CDH13: variants seen among roughly 807,000 people sequenced by gnomAD.
CDH13 encodes the protein cadherin-13.
CDH13 carries 24 observed loss-of-function variants against 63.8 expected under a neutral mutation model. The observed-to-expected ratio is 0.38, with a 90% confidence interval of 0.27 to 0.53. The LOEUF (loss-of-function observed/expected upper bound fraction) is 0.53, where lower values mean the gene tolerates loss of function less well. Ranked by LOEUF, CDH13 falls within the 20% of genes least tolerant of loss-of-function variation. The pLI is 0.85. For missense variants in CDH13, 1,049 were observed against 903.1 expected, an observed-to-expected ratio of 1.16 and a Z score of -2.07; for synonymous variants, 503 against 355.3, an observed-to-expected ratio of 1.42 and a Z score of -4.67.
intron 1 of CDH13, among the ~76,000 whole-genome samples, chr16:82,739,497 C>T (rs538913916): frequency 3.3e-5 from 5 of 152,268 alleles, no homozygotes; most frequent in African/African-American, 1.2e-4. Flanking sequence ...GACCAAGTAA[C>T]AGTTTACAAA....
intron 2 of CDH13, among the ~76,000 whole-genome samples, chr16:82,871,089 T>C (rs1391583199): frequency 6.6e-6 from 1 of 152,242 alleles, no homozygotes; most frequent in Non-Finnish European, 1.5e-5. Context: ...GTCTTGTTTC[T>C]GTCATATCAG....
At chr16:82,674,454 A>C (rs1188283267) in intron 1 of CDH13, among the ~76,000 whole-genome samples, 1 of 152,226 alleles carries the variant, frequency 6.6e-6, no homozygotes, top group Non-Finnish European at 1.5e-5. Flanking sequence ...CAGACAGGGA[A>C]AATTTCTTTT....
intron 6 of CDH13, among the ~76,000 whole-genome samples, chr16:83,444,101 A>T (rs973209774): frequency 6.6e-6 from 1 of 151,302 alleles, no homozygotes; most frequent in Admixed American, 6.6e-5. Context: ...AGTGAGGTTG[A>T]TGATGGTGAA....
At chr16:82,916,090 C>T (rs2041978588) in intron 2 of CDH13, among the ~76,000 whole-genome samples, 1 of 152,118 alleles carries the variant, frequency 6.6e-6, no homozygotes, top group Non-Finnish European at 1.5e-5. Flanking sequence ...CTCCAGACTA[C>T]ATTCCTTTTT....
At chr16:83,559,819 G>A (rs953047618) in intron 7 of CDH13, among the ~76,000 whole-genome samples, 4 of 152,096 alleles carry the variant, frequency 2.6e-5, no homozygotes, top group Non-Finnish European at 4.4e-5. Context: ...GCACCACAGC[G>A]TCTTTTTGAA....
chr16:83,544,497 A>T (rs1382482854), intron 7 of CDH13, among the ~76,000 whole-genome samples: 1 of 152,164 alleles, frequency 6.6e-6, no homozygotes, highest in Non-Finnish European at 1.5e-5. Context: ...ACACACTGAG[A>T]ACACTTCCAG....
In CDH13 at chr16:83,793,102, T is replaced by C. The variant is rs574776405; in HGVS notation, c.2135-1921T>C. ...TGTATACTGATTAATTTCTTTCTTT[T>C]TTCCTTCTTTTGATGGAGCAAGACT... On this transcript the variant is annotated intron_variant, in intron 13 of 13. Transcript: ENST00000567109. 2.2e-4 allele frequency among the ~76,000 whole-genome samples: 33 copies of C among 152,272 alleles called. No homozygotes were observed. The South Asian group carries it at 6.4e-3, about 30-fold the overall frequency.
intron 5 of CDH13, among the ~76,000 whole-genome samples, chr16:83,282,724 G>A (rs1029798353): frequency 6.6e-6 from 1 of 152,208 alleles, no homozygotes; most frequent in African/African-American, 2.4e-5. Flanking sequence ...TGCCTTGAGA[G>A]AATAAGTTTT....
chr16:82,727,718 C>T (rs2033176952), intron 1 of CDH13: 1 of 152,138 alleles, frequency 6.6e-6, no homozygotes, highest in African/African-American at 2.4e-5. Context: ...ATCACATTAC[C>T]AGTAGCTGGC....
intron 1 of CDH13, among the ~76,000 whole-genome samples, chr16:82,857,713 A>C (rs556611172): frequency 6.6e-6 from 1 of 152,356 alleles, no homozygotes; most frequent in Non-Finnish European, 1.5e-5. Flanking sequence ...ACATATATTT[A>C]ATTTCATATG....
rs1456535442 is a variant in CDH13 at position 83,798,510 on chromosome 16, T to C, written c.*3480T>C. On this transcript the variant is annotated 3_prime_UTR_variant, in exon 14 of 14. Transcript: ENST00000567109. Reference sequence around the variant, plus strand: ...ACATATGAGACAAGCACTACTATCTTCTCCAACTCACAGATAAAGAAGGCT... The same window carrying C: ...ACATATGAGACAAGCACTACTATCTCCTCCAACTCACAGATAAAGAAGGCT... 6.6e-6 allele frequency: 1 copy of C among 152,198 alleles called. No homozygotes were observed. The highest frequency in any genetic ancestry group is 1.5e-5 in the Non-Finnish European group (1 of 68,048). 9.4% of individuals were successfully genotyped at this position (152,198 alleles called of 1,614,324 possible).
In CDH13 at chr16:82,970,447, C is replaced by A. The variant is rs575287805; in HGVS notation, c.158-61563C>A. ...TCGCTCTGTCGCCCAGGCCGGACTG[C>A]GGACTGCAGTGGCGCAATCTCGGCT... On this transcript the variant is annotated intron_variant, in intron 2 of 13. Transcript: ENST00000567109. Among the ~76,000 whole-genome samples the A allele has an allele frequency of 3.0e-5, 3 of 100,118 alleles. No individual in the cohort carries two copies. In the Admixed American group the frequency reaches 3.5e-4, roughly 12 times the overall value. The allele number at this position is 100,118 out of a possible 152,430, so 65.7% of individuals were successfully genotyped here.
At chr16:83,522,883 C>A (rs1057255453) in intron 7 of CDH13, among the ~76,000 whole-genome samples, 1 of 152,190 alleles carries the variant, frequency 6.6e-6, no homozygotes, top group Non-Finnish European at 1.5e-5. Context: ...TTATGACTCA[C>A]CACCTAGTGG....
At chr16:83,354,072 G>A (rs2091009122) in intron 6 of CDH13, among the ~76,000 whole-genome samples, 1 of 152,214 alleles carries the variant, frequency 6.6e-6, no homozygotes, top group South Asian at 2.1e-4. Context: ...CAGAAATGTA[G>A]TGATCATTCT....
intron 7 of CDH13, among the ~76,000 whole-genome samples, chr16:83,554,722 C>T (rs1436677671): frequency 6.6e-6 from 1 of 152,048 alleles, no homozygotes; most frequent in Admixed American, 6.6e-5. Flanking sequence ...GACATCTGCC[C>T]AGCAACTGCC....
chr16:82,740,355 A>C (rs1434824712), intron 1 of CDH13, among the ~76,000 whole-genome samples: 1 of 152,170 alleles, frequency 6.6e-6, no homozygotes, highest in Non-Finnish European at 1.5e-5. Flanking sequence ...AATCATCACA[A>C]ACTTCAAATT....
chr16:83,504,344 G>A (rs1391326107), intron 7 of CDH13, among the ~76,000 whole-genome samples: 1 of 152,160 alleles, frequency 6.6e-6, no homozygotes, highest in African/African-American at 2.4e-5. Context: ...CTTCTCTTCT[G>A]AAGATCTGCT....
chr16:82,942,017 C>T (rs1033801114), intron 2 of CDH13, among the ~76,000 whole-genome samples: 1 of 152,086 alleles, frequency 6.6e-6, no homozygotes, highest in African/African-American at 2.4e-5. Flanking sequence ...TTAATGGTGT[C>T]GTTTGATAAA....
chr16:82,917,354 A>G (rs2042022456), intron 2 of CDH13, among the ~76,000 whole-genome samples: 1 of 152,186 alleles, frequency 6.6e-6, no homozygotes, highest in South Asian at 2.1e-4. Context: ...ACTCAGGTTC[A>G]GAGGAAAATT....
Sources: gnomAD v4.1 joint callset for allele counts (sites outside exome capture counted in the v4.1 genomes callset) on GRCh38, gnomAD v4.1.1 for gene constraint, MANE v1.5 for transcripts, NCBI Gene and HGNC (gene_info 2026-07-23, HGNC 2026-07-21) for gene names.